DNAH12: variants seen among roughly 807,000 people sequenced by gnomAD.
DNAH12 encodes dynein axonemal heavy chain 12, also known as axonemal beta dynein heavy chain 12.
In DNAH12, 285 loss-of-function variants were observed where a neutral mutation model predicts 371.5. The observed-to-expected ratio is 0.77, with a 90% CI of 0.70 to 0.85. The LOEUF (loss-of-function observed/expected upper bound fraction) is 0.85. Among genes scored for constraint, DNAH12 ranks in the 40% least tolerant of loss-of-function variants. DNAH12 has a pLI of 0.00. For synonymous variants in DNAH12, 1,200 were observed against 1,213.0 expected (o/e 0.99, Z 0.22); for missense variants, 3,611 against 3,689.4 (o/e 0.98, Z 0.55).
intron 22 of DNAH12, among the ~76,000 whole-genome samples, chr3:57,456,869 C>T (rs2065916462): frequency 6.6e-6 from 1 of 152,084 alleles, no homozygotes; most frequent in South Asian, 2.1e-4. Flanking sequence ...TGAGAACTCC[C>T]CCTCCTTACC....
At position 57,322,688 on chromosome 3, in the gene DNAH12, G is replaced by T. The variant is rs150949069; in HGVS notation, c.10384-205C>A. 4.0e-3 allele frequency among the ~76,000 whole-genome samples: 602 copies of T among 152,356 alleles called. 3 individuals are homozygous for T. The highest frequency in any genetic ancestry group is 0.013 in the African/African-American group (557 of 41,590). On this transcript the variant is annotated intron_variant, in intron 64 of 73. Transcript: ENST00000495027. ...TGCATGCCTGAAATCCCAGCACTTT[G>T]GGAGGCTGAGGCGGGTGGATCACCT...
rs914537394 is a variant in DNAH12, at chr3:57,293,830, C to A, written c.11834G>T (p.Arg3945Leu). ...AMLLKTDQPTRHWIKRGVALL... is the reference protein window; with the variant it reads ...AMLLKTDQPTLHWIKRGVALL... ...AGCAACCCCGCGCTTGATCCAGTGCCGAGTAGGTTGGTCTGTTTTTAACAA... is the reference window on the plus strand; with the variant it reads ...AGCAACCCCGCGCTTGATCCAGTGCAGAGTAGGTTGGTCTGTTTTTAACAA... The change falls in exon 74 of 74, where the codon CGG (arginine) becomes CTG (leucine). Residue 3945 changes from arginine (R) to leucine (L), a missense_variant. Physicochemically the swap from Arg to Leu is moderately radical, Grantham distance 102. Transcript: ENST00000495027. The A allele has an allele frequency of 4.5e-6, 7 of 1,549,180 alleles. No homozygotes were observed. The highest frequency in any genetic ancestry group is 1.7e-4 in the Middle Eastern group (1 of 5,978).
chr3:57,359,556 T>A (rs1478506199), intron 58 of DNAH12, among the ~76,000 whole-genome samples: 7 of 79,132 alleles, frequency 8.8e-5, no homozygotes, highest in South Asian at 4.5e-4. Flanking sequence ...CGAAACTCCA[T>A]CTCAAAAAAA....
At position 57,405,112 on chromosome 3, in the gene DNAH12, A is replaced by G. The variant is rs541965196; in HGVS notation, c.6612T>C (p.Gly2204=). The change falls in exon 42 of 74, where the codon GGT becomes GGC. Residue 2204 remains glycine, a synonymous_variant. Transcript: ENST00000495027. The part of the protein sequence containing the change: ...TEEDLRNLMF[G]DYMNPDLEGD... ...CTTCAAGGTCAGGATTCATATAATC[A>G]CCAAACATGAGATTTCTTAAGTCTT... 3.2e-4 allele frequency: 489 copies of G among 1,538,960 alleles called. 6 individuals carry two copies. The South Asian group carries it at 5.8e-3, about 18-fold the overall frequency.
At chr3:57,317,312 C>A (rs1406780038) in intron 65 of DNAH12, among the ~76,000 whole-genome samples, 1 of 152,114 alleles carries the variant, frequency 6.6e-6, no homozygotes, top group African/African-American at 2.4e-5. Flanking sequence ...CAATGTTGTA[C>A]AGCTAATCTC....
In DNAH12 at chr3:57,445,993, TAAAATAAATAAATAAA is replaced by T. The variant is rs1559667796; in HGVS notation, c.4179+22_4179+37del. ...ATAGAGTAAGACTGTTTCAAAAACA[TAAAATAAATAAATAAA>T]TAAATAAATAAATAATATTACCTTA... is the stretch of plus-strand genomic sequence containing the variant. On this transcript the variant is annotated intron_variant, in intron 27 of 73. Coordinates refer to ENST00000495027, the MANE Select transcript of DNAH12 (RefSeq NM_001366028.2). The T allele has an allele frequency of 1.4e-6, 2 of 1,394,656 alleles. 1 individual carries two copies. Among genetic ancestry groups the T allele is most frequent in the East Asian group, 5.4e-5 (2 of 36,954 alleles). The allele number at this position is 1,394,656 out of a possible 1,614,324, so 86.4% of individuals were successfully genotyped here.
chr3:57,335,757 G>A (rs782721637), intron 60 of DNAH12, among the ~76,000 whole-genome samples: 1 of 152,222 alleles, frequency 6.6e-6, no homozygotes, highest in Admixed American at 6.5e-5. Context: ...ACTAAGAGAT[G>A]CATCAGTAAG....
chr3:57,403,254 G>A (rs1038598159), intron 43 of DNAH12, 55 bp downstream of exon 43: 186 of 1,469,204 alleles, frequency 1.3e-4, no homozygotes, highest in Non-Finnish European at 1.6e-4. Context: ...CTCTCTTTAC[G>A]AGTAAAAGAA....
chr3:57,383,562 C>G (rs1287873970), intron 49 of DNAH12, among the ~76,000 whole-genome samples: 2 of 148,946 alleles, frequency 1.3e-5, no homozygotes, highest in African/African-American at 5.0e-5. Flanking sequence ...GCAGAAAGAT[C>G]ACAGGGTAAT....
intron 11 of DNAH12, among the ~76,000 whole-genome samples, chr3:57,490,200 T>G: frequency 6.6e-6 from 1 of 152,148 alleles, no homozygotes; most frequent in East Asian, 1.9e-4. Context: ...GCATGATGGT[T>G]TGAGCCTATA....
At chr3:57,316,722 G>C (rs1224095256) in intron 65 of DNAH12, among the ~76,000 whole-genome samples, 1 of 152,170 alleles carries the variant, frequency 6.6e-6, no homozygotes, top group Non-Finnish European at 1.5e-5. Context: ...GTGATAGTGA[G>C]TTCTCACGAG....
intron 69 of DNAH12, among the ~76,000 whole-genome samples, chr3:57,307,957 C>T (rs913569468): frequency 6.6e-6 from 1 of 152,182 alleles, no homozygotes; most frequent in Non-Finnish European, 1.5e-5. Context: ...CTCTCATTTC[C>T]TTTCCATCGT....
chr3:57,341,346 G>C (rs1169816862), intron 60 of DNAH12, among the ~76,000 whole-genome samples: 1 of 152,050 alleles, frequency 6.6e-6, no homozygotes, highest in African/African-American at 2.4e-5. Context: ...TTTATATATA[G>C]AAAAACTTAG....
intron 69 of DNAH12, among the ~76,000 whole-genome samples, chr3:57,308,659 C>T (rs779154825): frequency 8.5e-5 from 13 of 152,102 alleles, no homozygotes; most frequent in Admixed American, 3.3e-4. Context: ...CACTGTTTTC[C>T]AAGCCATCAC....
intron 30 of DNAH12, among the ~76,000 whole-genome samples, chr3:57,435,295 C>G (rs1165337907): frequency 1.4e-5 from 2 of 146,186 alleles, no homozygotes; most frequent in African/African-American, 2.5e-5. Context: ...TCACTTGAAC[C>G]CAGGAGGTGG....
In DNAH12 at chr3:57,519,913, T is replaced by C; in HGVS notation, c.279+3670A>G. ...CCACATGGCCACCACGTTCCACTTC[T>C]TGAGCTAGAACATCTTGTCGCCTCC... On this transcript the variant is annotated intron_variant, in intron 4 of 73. Transcript: ENST00000495027. 3.2e-6 allele frequency: 3 copies of C among 936,216 alleles called. No homozygotes were observed. The South Asian group carries it at 3.9e-5, about 12-fold the overall frequency. 58.0% of individuals were successfully genotyped at this position (936,216 alleles called of 1,614,324 possible).
At position 57,507,855 on chromosome 3, in the gene DNAH12, G is replaced by C; in HGVS notation, c.702-17C>G. On this transcript the variant is annotated splice_polypyrimidine_tract_variant and intron_variant, in intron 7 of 73. Transcript: ENST00000495027. ...CCTTTAGCTCTATTTATGAGAAAAA[G>C]AAATGTGATTTGAAGCAAATGATAC... 3.2e-6 allele frequency: 5 copies of C among 1,549,350 alleles called. No individual in the cohort carries two copies. The highest frequency in any genetic ancestry group is 4.7e-5 in the Admixed American group (2 of 43,008).
intron 35 of DNAH12, 129 bp downstream of exon 35, chr3:57,424,893 C>G (rs989805828): frequency 7.4e-6 from 4 of 538,074 alleles, no homozygotes; most frequent in Admixed American, 6.0e-5. Context: ...ACTTTAGTGT[C>G]TCCAGCTATT....
chr3:57,428,665 G>T lies in DNAH12; in HGVS notation c.5221C>A (p.Pro1741Thr), dbSNP rs2064858906. 1.9e-6 allele frequency: 3 copies of T among 1,544,010 alleles called. No homozygotes were observed. Among genetic ancestry groups the T allele is most frequent in the Non-Finnish European group, 2.6e-6 (3 of 1,145,324 alleles). The stretch of plus-strand genomic sequence containing the variant: ...TTTTTCTTACGCTGGTTTAAAGAGG[G>T]TGGTATTAACCAGGCAAAAAGTCCT... ...LRGLFAWLIP[P>T]SLNQRKKKCK... The change falls in exon 34 of 74, where the codon CCC becomes ACC. Residue 1741 changes from proline (P) to threonine (T), a missense_variant. Physicochemically the swap from Pro to Thr is conservative, Grantham distance 38. Coordinates refer to ENST00000495027, the MANE Select transcript of DNAH12 (RefSeq NM_001366028.2).
Sources: allele counts gnomAD v4.1 joint callset (sites outside exome capture counted in the v4.1 genomes callset), GRCh38; gene constraint gnomAD v4.1.1; transcripts MANE v1.5; gene names NCBI Gene and HGNC (gene_info 2026-07-23, HGNC 2026-07-21).